Variants in TBC1D5 observed in about 807,000 individuals in gnomAD.
TBC1D5 encodes the protein TBC1 domain family, member 5.
TBC1D5 carries 75 observed loss-of-function variants against 100.3 expected under a neutral mutation model. The ratio of observed to expected loss-of-function variants is 0.75; its 90% CI spans 0.62 to 0.91. The LOEUF (loss-of-function observed/expected upper bound fraction) is 0.91. Ranked by LOEUF, TBC1D5 falls within the 40% of genes least tolerant of loss-of-function variation. The probability of loss-of-function intolerance (pLI) is 0.00; values close to 1 mark genes in which losing one functional copy is unlikely to be tolerated. For synonymous variants in TBC1D5, 323 were observed against 325.6 expected (o/e 0.99, Z 0.09); for missense variants, 910 against 942.4 (o/e 0.97, Z 0.45).
At chr3:17,471,958 C>A (rs1257357462) in intron 3 of TBC1D5, among the ~76,000 whole-genome samples, 2 of 152,084 alleles carry the variant, frequency 1.3e-5, no homozygotes, top group Non-Finnish European at 2.9e-5. Flanking sequence ...GAAATCTACC[C>A]TTTAACATAC....
At chr3:17,397,649 T>C (rs1317945142) in intron 8 of TBC1D5, among the ~76,000 whole-genome samples, 1 of 152,172 alleles carries the variant, frequency 6.6e-6, no homozygotes, top group African/African-American at 2.4e-5. Flanking sequence ...AGTGCTGGGA[T>C]TGAAGGCATG....
At chr3:17,159,181 C>CAGAGTG (rs3839095) in exon 22 of TBC1D5, 1 of 151,892 alleles carries the variant, frequency 6.6e-6, no homozygotes, top group Non-Finnish European at 1.5e-5. Flanking sequence ...CTGGCAAAAC[C>CAGAGTG]AGTTATTATT....
rs74942273 is a variant in TBC1D5, at chr3:17,255,797, G to A, written c.1331+2709C>T. Among the ~76,000 whole-genome samples the A allele has an allele frequency of 8.8e-3, 1,333 of 152,140 alleles. 56 individuals carry two copies. The East Asian group carries it at 0.14, about 16-fold the overall frequency. On this transcript the variant is annotated intron_variant, in intron 16 of 21. Transcript: ENST00000253692. ...CTCACGCCTGCAATCCCAGCACTTC[G>A]GGAGGCTGAGGTGGGCAGATCACGA...
intron 2 of TBC1D5, among the ~76,000 whole-genome samples, chr3:17,523,936 T>C (rs1403329052): frequency 2.0e-5 from 3 of 152,214 alleles, no homozygotes; most frequent in Admixed American, 1.3e-4. Flanking sequence ...GGAGGATGAC[T>C]GGGAGAAGTT....
chr3:17,365,470 AT>A (rs2092051211), intron 13 of TBC1D5, among the ~76,000 whole-genome samples: 1 of 152,144 alleles, frequency 6.6e-6, no homozygotes, highest in Non-Finnish European at 1.5e-5. Context: ...AGCTTCCTTA[AT>A]TTTTTATCCA....
intron 3 of TBC1D5, among the ~76,000 whole-genome samples, chr3:17,488,132 C>A (rs111848873): frequency 0.018 from 2,776 of 152,168 alleles, 37 homozygotes; most frequent in Admixed American, 0.027. Context: ...TCCACCTATT[C>A]ATTCTTTCCT....
intron 1 of TBC1D5, among the ~76,000 whole-genome samples, chr3:17,721,482 TG>T: frequency 6.6e-6 from 1 of 151,780 alleles, no homozygotes; most frequent in South Asian, 2.1e-4. Flanking sequence ...TGTGTGTGTG[TG>T]TGTGTTGTGG....
chr3:17,537,235 G>A (rs1375729052), intron 2 of TBC1D5, among the ~76,000 whole-genome samples: 1 of 152,130 alleles, frequency 6.6e-6, no homozygotes, highest in Non-Finnish European at 1.5e-5. Flanking sequence ...CATTACACTG[G>A]GTTAATAAAA....
chr3:17,668,184 T>C, intron 1 of TBC1D5, among the ~76,000 whole-genome samples: 1 of 148,936 alleles, frequency 6.7e-6, no homozygotes. Flanking sequence ...TATATATATA[T>C]ATCTTAAATC....
At chr3:17,172,491 G>T (rs2067259190) in intron 19 of TBC1D5, among the ~76,000 whole-genome samples, 1 of 152,136 alleles carries the variant, frequency 6.6e-6, no homozygotes, top group African/African-American at 2.4e-5. Flanking sequence ...AATAAATTTT[G>T]CCATAAAGGC....
At chr3:17,348,314 G>T (rs111899378) in intron 13 of TBC1D5, among the ~76,000 whole-genome samples, 6 of 152,262 alleles carry the variant, frequency 3.9e-5, no homozygotes, top group African/African-American at 1.4e-4. Flanking sequence ...TCCACTGCCT[G>T]CTAATATATT....
intron 20 of TBC1D5, 48 bp from the exon 22 acceptor site, chr3:17,166,976 T>C: frequency 6.5e-7 from 1 of 1,532,600 alleles, no homozygotes; most frequent in South Asian, 1.3e-5. Flanking sequence ...GATGAGTTTG[T>C]TTTCAGATGC....
At chr3:17,720,289 C>G (rs998921673) in intron 1 of TBC1D5, among the ~76,000 whole-genome samples, 2 of 151,906 alleles carry the variant, frequency 1.3e-5, no homozygotes, top group Non-Finnish European at 2.9e-5. Context: ...TTTGTGTAGC[C>G]AACATTTTTA....
chr3:17,490,368 T>C (rs2095623626), intron 3 of TBC1D5, among the ~76,000 whole-genome samples: 1 of 152,220 alleles, frequency 6.6e-6, no homozygotes, highest in Non-Finnish European at 1.5e-5. Flanking sequence ...TTTTTGCTTT[T>C]GTTGCAATTG....
At chr3:17,383,111 A>G (rs1246078882) in intron 9 of TBC1D5, among the ~76,000 whole-genome samples, 1 of 151,972 alleles carries the variant, frequency 6.6e-6, no homozygotes, top group African/African-American at 2.4e-5. Flanking sequence ...GAAATGTTTT[A>G]CTATCCTTAA....
chr3:17,542,870 G>A (rs1026671570), intron 2 of TBC1D5, among the ~76,000 whole-genome samples: 2 of 152,092 alleles, frequency 1.3e-5, no homozygotes, highest in Admixed American at 6.5e-5. Flanking sequence ...TTACTATTTT[G>A]TTGAGGATTT....
At chr3:17,353,405 T>C (rs1418782185) in intron 13 of TBC1D5, among the ~76,000 whole-genome samples, 2 of 152,072 alleles carry the variant, frequency 1.3e-5, no homozygotes, top group Non-Finnish European at 2.9e-5. Flanking sequence ...ACACTTTTTA[T>C]ATTTAATTTT....
intron 8 of TBC1D5, among the ~76,000 whole-genome samples, chr3:17,391,032 C>T (rs190232168): frequency 1.3e-5 from 2 of 152,158 alleles, no homozygotes; most frequent in African/African-American, 2.4e-5. Flanking sequence ...CCAGGAAATA[C>T]ACTCCCCTAA....
At chr3:17,459,347 C>T (rs531014828) in intron 3 of TBC1D5, among the ~76,000 whole-genome samples, 2 of 152,210 alleles carry the variant, frequency 1.3e-5, no homozygotes, top group Admixed American at 6.5e-5. Flanking sequence ...CCACATCCCT[C>T]GCATGCACAG....
Sources: allele counts gnomAD v4.1 joint callset (sites outside exome capture counted in the v4.1 genomes callset), GRCh38; gene constraint gnomAD v4.1.1; transcripts MANE v1.5; gene names NCBI Gene and HGNC (gene_info 2026-07-23, HGNC 2026-07-21).